Variants in CCSER1 observed in about 807,000 individuals in gnomAD.
CCSER1 encodes the protein coiled-coil serine rich protein 1.
Under a neutral mutation model 82.0 loss-of-function variants are expected in CCSER1, and 41 were observed. The observed-to-expected ratio is 0.50, with a 90% CI of 0.39 to 0.65. CCSER1 has a LOEUF of 0.65. Among genes scored for constraint, CCSER1 ranks in the 30% least tolerant of loss-of-function variants. The pLI, the probability that CCSER1 is intolerant of heterozygous loss-of-function variation, is 0.00. For missense variants in CCSER1, 1,119 were observed against 1,064.2 expected, an observed-to-expected ratio of 1.05 and a Z score of -0.72; for synonymous variants, 414 against 383.9, an observed-to-expected ratio of 1.08 and a Z score of -0.92.
chr4:90,527,578 G>C (rs1051138633), intron 5 of CCSER1, among the ~76,000 whole-genome samples: 2 of 152,008 alleles, frequency 1.3e-5, no homozygotes, highest in African/African-American at 2.4e-5. Flanking sequence ...TGTTTTACCA[G>C]CACAGTTTTT....
chr4:91,334,774 T>G (rs1046135158), intron 10 of CCSER1, among the ~76,000 whole-genome samples: 3 of 152,100 alleles, frequency 2.0e-5, no homozygotes, highest in African/African-American at 7.2e-5. Flanking sequence ...GTGGGACAGT[T>G]TCCCTTTCCA....
chr4:90,988,050 C>T (rs572135493), intron 9 of CCSER1, among the ~76,000 whole-genome samples: 2 of 151,750 alleles, frequency 1.3e-5, no homozygotes, highest in South Asian at 4.2e-4. Context: ...GGCATGGTGG[C>T]TCATGCCTGT....
intron 9 of CCSER1, among the ~76,000 whole-genome samples, chr4:91,020,271 G>T (rs1739813589): frequency 6.6e-6 from 1 of 152,198 alleles, no homozygotes; most frequent in East Asian, 1.9e-4. Context: ...CCCTTGCAAA[G>T]ATATGTACAC....
At chr4:91,322,516 T>C (rs192643150) in intron 10 of CCSER1, among the ~76,000 whole-genome samples, 145 of 152,204 alleles carry the variant, frequency 9.5e-4, no homozygotes, top group Middle Eastern at 3.4e-3. Context: ...TCCTAAAGGG[T>C]GAATTCCAAG....
rs925578232 is a variant in CCSER1, at chr4:90,500,729, AAAAC to A, written c.1724+32387_1724+32390del. Among the ~76,000 whole-genome samples the A allele has an allele frequency of 6.1e-4, 93 of 152,152 alleles. No homozygotes were observed. The Middle Eastern group carries it at 0.01, about 17-fold the overall frequency. ...GCAGCCAAGAAAACAAACAAGCAAGAAAACAAACAAACAAATAAATTAATATTTT... is the reference window on the plus strand; with the variant it reads ...GCAGCCAAGAAAACAAACAAGCAAGAAAACAAACAAATAAATTAATATTTT... On this transcript the variant is annotated intron_variant, in intron 5 of 10. Transcript: ENST00000509176.
chr4:90,491,990 T>C (rs1050753380), intron 5 of CCSER1, among the ~76,000 whole-genome samples: 2 of 152,194 alleles, frequency 1.3e-5, no homozygotes, highest in Admixed American at 6.5e-5. Context: ...TTTTTTGTTG[T>C]GTCTCTGCCA....
At chr4:91,524,596 G>C (rs547674494) in intron 10 of CCSER1, among the ~76,000 whole-genome samples, 2 of 152,158 alleles carry the variant, frequency 1.3e-5, no homozygotes, top group East Asian at 3.9e-4. Flanking sequence ...CCTAATGGTC[G>C]TGCCTACTGG....
At chr4:90,640,624 C>T (rs1726323421) in intron 6 of CCSER1, among the ~76,000 whole-genome samples, 2 of 152,086 alleles carry the variant, frequency 1.3e-5, no homozygotes, top group African/African-American at 2.4e-5. Context: ...TCCCCATAAT[C>T]CCCAGATGTC....
chr4:91,425,709 G>T (rs1435273866), intron 10 of CCSER1, among the ~76,000 whole-genome samples: 2 of 152,072 alleles, frequency 1.3e-5, no homozygotes, highest in African/African-American at 2.4e-5. Flanking sequence ...GTCAAAAGTT[G>T]GTTTCCATAG....
intron 3 of CCSER1, among the ~76,000 whole-genome samples, chr4:90,328,413 T>A (rs902298994): frequency 3.9e-5 from 6 of 152,142 alleles, no homozygotes; most frequent in African/African-American, 1.2e-4. Context: ...TTTAAAATAG[T>A]CAAGTAATTC....
At chr4:91,125,649 T>C (rs1013593422) in intron 10 of CCSER1, among the ~76,000 whole-genome samples, 6 of 151,728 alleles carry the variant, frequency 4.0e-5, no homozygotes, top group African/African-American at 1.4e-4. Context: ...CAAAGATGCA[T>C]GATTTAACAT....
chr4:91,504,039 T>A (rs1455620004), intron 10 of CCSER1, among the ~76,000 whole-genome samples: 1 of 152,156 alleles, frequency 6.6e-6, no homozygotes, highest in African/African-American at 2.4e-5. Context: ...TACTTATCAA[T>A]AGAAATTAAA....
At chr4:90,169,850 C>T (rs929795320) in intron 1 of CCSER1, among the ~76,000 whole-genome samples, 6 of 151,858 alleles carry the variant, frequency 4.0e-5, no homozygotes, top group African/African-American at 4.8e-5. Context: ...GTCCCTCTCA[C>T]GTTTTATTCT....
chr4:90,832,818 T>C (rs1351987652), intron 8 of CCSER1, among the ~76,000 whole-genome samples: 1 of 152,180 alleles, frequency 6.6e-6, no homozygotes, highest in African/African-American at 2.4e-5. Flanking sequence ...AATTGCAACA[T>C]TATTTATAGT....
chr4:90,178,036 C>T (rs755348337), intron 1 of CCSER1, among the ~76,000 whole-genome samples: 3 of 152,050 alleles, frequency 2.0e-5, no homozygotes, highest in African/African-American at 4.8e-5. Flanking sequence ...AAATCCAAAA[C>T]ATTTCTGGTC....
At chr4:91,364,875 T>C (rs902591286) in intron 10 of CCSER1, among the ~76,000 whole-genome samples, 6 of 152,082 alleles carry the variant, frequency 3.9e-5, no homozygotes, top group African/African-American at 9.7e-5. Flanking sequence ...AAGTTTTTTT[T>C]CTCTGATATG....
intron 9 of CCSER1, among the ~76,000 whole-genome samples, chr4:91,029,561 C>T (rs1018665221): frequency 6.6e-6 from 1 of 151,968 alleles, no homozygotes; most frequent in Non-Finnish European, 1.5e-5. Flanking sequence ...TGTCCATGAC[C>T]TGCCTAAGTC....
In CCSER1 at chr4:90,890,399, T is replaced by C. The variant is rs180725970; in HGVS notation, c.2095-32971T>C. ...TCATATATATCCCCTTACATTATTT[T>C]ACCTTTTTGTGTGTGGGTGTGTGCA... On this transcript the variant is annotated intron_variant, in intron 8 of 10. Coordinates refer to ENST00000509176, the MANE Select transcript of CCSER1 (RefSeq NM_001145065.2). Among the ~76,000 whole-genome samples, 27 of 152,324 alleles carry C rather than the reference T, an allele frequency of 1.8e-4. No individual in the cohort carries two copies. The East Asian group carries it at 3.9e-3, about 22-fold the overall frequency.
chr4:91,382,999 A>AC (rs573781018), intron 10 of CCSER1, among the ~76,000 whole-genome samples: 1 of 147,480 alleles, frequency 6.8e-6, no homozygotes, highest in East Asian at 2.0e-4. Context: ...GATCATTATC[A>AC]TTTTTTTTTT....
Sources: allele counts gnomAD v4.1 joint callset (sites outside exome capture counted in the v4.1 genomes callset), GRCh38; gene constraint gnomAD v4.1.1; transcripts MANE v1.5; gene names NCBI Gene and HGNC (gene_info 2026-07-23, HGNC 2026-07-21).